HPSE2: variants seen among roughly 807,000 people sequenced by gnomAD.
HPSE2 encodes inactive heparanase-2.
HPSE2 carries 38 observed loss-of-function variants against 60.5 expected under a neutral mutation model. The observed-to-expected ratio is 0.63, with a 90% CI of 0.48 to 0.82. The LOEUF (loss-of-function observed/expected upper bound fraction) is 0.82, where lower values mean the gene tolerates loss of function less well. Ranked by LOEUF, HPSE2 falls within the 40% of genes least tolerant of loss-of-function variation. HPSE2 has a pLI of 0.00. For synonymous variants in HPSE2, 295 were observed against 293.2 expected (o/e 1.01, Z -0.06); for missense variants, 713 against 740.4 (o/e 0.96, Z 0.43).
At chr10:98,465,557 T>C (rs1166781558) in intron 11 of HPSE2, among the ~76,000 whole-genome samples, 1 of 152,188 alleles carries the variant, frequency 6.6e-6, no homozygotes, top group Admixed American at 6.5e-5. Context: ...ACAGGTTAAG[T>C]GGTCTGGGCA....
intron 9 of HPSE2, among the ~76,000 whole-genome samples, chr10:98,593,062 T>C (rs2133946695): frequency 6.6e-6 from 1 of 152,358 alleles, no homozygotes; most frequent in East Asian, 1.9e-4. Flanking sequence ...AATTTAATAA[T>C]ACTTCACTAT....
chr10:99,039,919 A>G (rs1957698784), intron 3 of HPSE2, among the ~76,000 whole-genome samples: 1 of 152,142 alleles, frequency 6.6e-6, no homozygotes. Context: ...ATATTTACTC[A>G]CCCTTAATTA....
chr10:99,215,462 CG>C (rs1423096981), intron 2 of HPSE2, among the ~76,000 whole-genome samples: 2 of 151,992 alleles, frequency 1.3e-5, no homozygotes, highest in Non-Finnish European at 2.9e-5. Context: ...GGCCTGTCGG[CG>C]GGGTAGGGGG....
rs146037294 is a variant in HPSE2 at position 98,676,615 on chromosome 10, A to G, written c.1004+17285T>C. Among the ~76,000 whole-genome samples, 59 of 152,298 alleles carry G rather than the reference A, an allele frequency of 3.9e-4. 1 individual carries two copies. In the East Asian group the frequency reaches 5.2e-3, roughly 13 times the overall value. ...GAATCTGGAGAAAGAAAAGGAGGTA[A>G]AAGGACTGAGATATTTGGCAGGGAG... On this transcript the variant is annotated intron_variant, in intron 6 of 11. Coordinates refer to ENST00000370552, the MANE Select transcript of HPSE2 (RefSeq NM_021828.5).
the HPSE2 span, among the ~76,000 whole-genome samples, chr10:99,266,339 C>A: frequency 1.1e-3 from 159 of 150,844 alleles, no homozygotes; most frequent in Non-Finnish European, 2.2e-3. Flanking sequence ...ACGTTTTGGG[C>A]TGTATGGGAG....
Position 98,497,931 on chromosome 10 carries a change from C to T in HPSE2, c.1321-7735G>A, listed in dbSNP as rs188841612. Among the ~76,000 whole-genome samples the T allele has an allele frequency of 2.6e-3, 398 of 152,164 alleles. 1 individual carries two copies. The highest frequency in any genetic ancestry group is 9.1e-3 in the African/African-American group (379 of 41,528). ...ATGCTTATAGAAGTCATGTTTTATC[C>T]TTAATTTTATGAACTTTGGCCAGAA... On this transcript the variant is annotated intron_variant, in intron 9 of 11. Transcript: ENST00000370552.
At chr10:98,788,273 G>A (rs965252179) in intron 3 of HPSE2, among the ~76,000 whole-genome samples, 16 of 56,132 alleles carry the variant, frequency 2.9e-4, no homozygotes, top group African/African-American at 7.9e-4. Flanking sequence ...CAGGGGTCAG[G>A]GACCCACTTG....
At chr10:99,047,383 A>G (rs1282808307) in intron 3 of HPSE2, among the ~76,000 whole-genome samples, 2 of 152,188 alleles carry the variant, frequency 1.3e-5, no homozygotes, top group African/African-American at 4.8e-5. Flanking sequence ...AAGAAAACCT[A>G]GGAAATGCAC....
At chr10:98,522,135 A>AT (rs1483813192) in intron 9 of HPSE2, among the ~76,000 whole-genome samples, 3 of 146,596 alleles carry the variant, frequency 2.0e-5, no homozygotes, top group African/African-American at 7.4e-5. Flanking sequence ...AAGGATAATT[A>AT]TAAAAAAAAA....
chr10:99,303,618 C>T, the HPSE2 span, among the ~76,000 whole-genome samples: 4 of 152,162 alleles, frequency 2.6e-5, no homozygotes, highest in African/African-American at 9.7e-5. Context: ...TGGGTACACC[C>T]GTCCAGGATT....
At chr10:98,999,190 T>C (rs1956719852) in intron 3 of HPSE2, among the ~76,000 whole-genome samples, 1 of 151,700 alleles carries the variant, frequency 6.6e-6, no homozygotes, top group African/African-American at 2.4e-5. Flanking sequence ...TGTGTGTGTG[T>C]GTGTGCATGT....
intron 3 of HPSE2, among the ~76,000 whole-genome samples, chr10:99,011,155 G>C (rs573543015): frequency 6.2e-4 from 94 of 151,882 alleles, no homozygotes; most frequent in African/African-American, 2.2e-3. Flanking sequence ...TGGTGGGGTG[G>C]TAATTTAGGA....
At chr10:98,871,276 T>C (rs1350530288) in intron 3 of HPSE2, among the ~76,000 whole-genome samples, 2 of 152,150 alleles carry the variant, frequency 1.3e-5, no homozygotes, top group East Asian at 1.9e-4. Flanking sequence ...TACTTAAGGA[T>C]AGATCCTCTT....
chr10:99,202,574 T>C (rs1848610981), intron 2 of HPSE2, among the ~76,000 whole-genome samples: 1 of 152,148 alleles, frequency 6.6e-6, no homozygotes, highest in Non-Finnish European at 1.5e-5. Flanking sequence ...ACCCCCAAAA[T>C]ATGTATATCT....
intron 7 of HPSE2, among the ~76,000 whole-genome samples, chr10:98,631,819 C>A (rs753640903): frequency 6.6e-6 from 1 of 152,176 alleles, no homozygotes; most frequent in Admixed American, 6.5e-5. Context: ...AAAGTCTTGT[C>A]GTCTTCCACT....
At chr10:99,139,742 C>A (rs1373810123) in intron 3 of HPSE2, among the ~76,000 whole-genome samples, 1 of 151,962 alleles carries the variant, frequency 6.6e-6, no homozygotes, top group Non-Finnish European at 1.5e-5. Context: ...AATCTTTAGC[C>A]CTCTAGAAGA....
At chr10:99,184,863 G>T (rs147626749) in intron 2 of HPSE2, among the ~76,000 whole-genome samples, 2 of 106,454 alleles carry the variant, frequency 1.9e-5, no homozygotes, top group African/African-American at 3.3e-5. Flanking sequence ...GAGAGAGAGA[G>T]ACAGAAACAC....
intron 8 of HPSE2, among the ~76,000 whole-genome samples, chr10:98,617,501 C>A (rs749231809): frequency 7.9e-5 from 12 of 152,176 alleles, no homozygotes; most frequent in African/African-American, 2.7e-4. Flanking sequence ...ATTCTCCCTG[C>A]AAACCTACAT....
chr10:99,204,861 C>T (rs1345781241), intron 2 of HPSE2, among the ~76,000 whole-genome samples: 1 of 152,214 alleles, frequency 6.6e-6, no homozygotes, highest in Non-Finnish European at 1.5e-5. Context: ...ATGTTATTTA[C>T]TGCAATAAAA....
Sources: gnomAD v4.1 joint callset for allele counts (sites outside exome capture counted in the v4.1 genomes callset) on GRCh38, gnomAD v4.1.1 for gene constraint, MANE v1.5 for transcripts, NCBI Gene and HGNC (gene_info 2026-07-23, HGNC 2026-07-21) for gene names.